PDPR: variants seen among roughly 807,000 people sequenced by gnomAD.
PDPR encodes pyruvate dehydrogenase phosphatase regulatory subunit, mitochondrial.
PDPR carries 50 observed loss-of-function variants against 102.2 expected under a neutral mutation model. That is an observed-to-expected ratio of 0.49 (90% CI 0.39 to 0.62). The LOEUF (loss-of-function observed/expected upper bound fraction) is 0.62, where lower values mean the gene tolerates loss of function less well. PDPR is among the 20% of genes least tolerant of loss of function. The pLI is 0.00. For missense variants in PDPR, 625 were observed against 1,098.2 expected, an observed-to-expected ratio of 0.57 and a Z score of 6.09; for synonymous variants, 259 against 406.0, an observed-to-expected ratio of 0.64 and a Z score of 4.35.
At chr16:70,114,235 G>C (rs1962395116), upstream of PDPR, 1 of 152,234 alleles carries the variant, frequency 6.6e-6, no homozygotes, top group African/African-American at 2.4e-5. Flanking sequence ...CTGAGGTCAC[G>C]CGCCGGCAGT....
intron 17 of PDPR, among the ~76,000 whole-genome samples, chr16:70,149,664 A>T (rs1432397303): frequency 1.3e-5 from 2 of 152,282 alleles, no homozygotes; most frequent in Non-Finnish European, 2.9e-5. Context: ...GTGGCGTAGC[A>T]TTCCATTGTG....
At chr16:70,155,615 C>T (rs1390875869) in intron 18 of PDPR, among the ~76,000 whole-genome samples, 5 of 152,340 alleles carry the variant, frequency 3.3e-5, no homozygotes, top group East Asian at 1.9e-4. Context: ...GTCTCGAACT[C>T]CTGACCTCAG....
At position 70,156,891 on chromosome 16, in the gene PDPR, C is replaced by T. The variant is rs371532098; in HGVS notation, c.*12C>T. ...TACATGGGAAGTGATGCCACCAGGGCAGCCTCACCTCCTCCCCATCATCTT... is the reference window on the plus strand; with the variant it reads ...TACATGGGAAGTGATGCCACCAGGGTAGCCTCACCTCCTCCCCATCATCTT... On this transcript the variant is annotated 3_prime_UTR_variant, in exon 19 of 19. Transcript: ENST00000288050. 85 of 1,610,962 alleles carry T rather than the reference C, an allele frequency of 5.3e-5. No homozygotes were observed. The highest frequency in any genetic ancestry group is 7.0e-5 in the Non-Finnish European group (82 of 1,178,464).
chr16:70,118,455 A>G (rs1394514799), intron 2 of PDPR, among the ~76,000 whole-genome samples: 1 of 152,282 alleles, frequency 6.6e-6, no homozygotes, highest in Admixed American at 6.5e-5. Flanking sequence ...GCCACCAAGG[A>G]GCAGGACAGT....
Position 70,153,429 on chromosome 16 carries a change from C to T in PDPR, c.2091C>T (p.Gly697=), listed in dbSNP as rs1352124538. 1 of 1,613,864 alleles carries T rather than the reference C, an allele frequency of 6.2e-7. No individual in the cohort carries two copies. Among genetic ancestry groups the T allele is most frequent in the South Asian group, 1.1e-5 (1 of 91,020 alleles). The change falls in exon 18 of 19, where the codon GGC becomes GGT. Residue 697 remains glycine (G), a synonymous_variant. Transcript: ENST00000288050. ...LHVYNEVMSV[G]QKYGIRNAGY... ...TATACAATGAAGTGATGAGTGTTGGCCAGAAATACGGAATCCGGAATGCTG... is the reference window on the plus strand; with the variant it reads ...TATACAATGAAGTGATGAGTGTTGGTCAGAAATACGGAATCCGGAATGCTG...
At position 70,128,764 on chromosome 16, in the gene PDPR, T is replaced by C. The variant is rs1470889687; in HGVS notation, c.362-20T>C. ...TACATTTGGTCTGATCTGTCTCATT[T>C]GGGCTCATTTTTCTTACAGGTTACA... On this transcript the variant is annotated intron_variant, in intron 4 of 18. Transcript: ENST00000288050. 6.2e-7 allele frequency: 1 copy of C among 1,613,534 alleles called. No individual in the cohort carries two copies. The highest frequency in any genetic ancestry group is 8.5e-7 in the Non-Finnish European group (1 of 1,179,648).
intron 3 of PDPR, among the ~76,000 whole-genome samples, chr16:70,122,451 G>C (rs1469079004): frequency 6.6e-6 from 1 of 152,284 alleles, no homozygotes; most frequent in Non-Finnish European, 1.5e-5. Flanking sequence ...TTGGCAGTAA[G>C]ACCACAGAAA....
intron 9 of PDPR, among the ~76,000 whole-genome samples, chr16:70,133,474 G>A (rs1049992148): frequency 1.5e-5 from 2 of 134,966 alleles, no homozygotes; most frequent in Admixed American, 1.7e-4. Flanking sequence ...CTGGAGTGCA[G>A]TGGCACAATC....
downstream of PDPR, among the ~76,000 whole-genome samples, chr16:70,163,005 C>A (rs1454532620): frequency 6.6e-6 from 1 of 152,248 alleles, no homozygotes; most frequent in African/African-American, 2.4e-5. Context: ...GGCTGGAGTA[C>A]AGTGGTGTGA....
intron 17 of PDPR, among the ~76,000 whole-genome samples, chr16:70,152,994 T>C (rs1184486888): frequency 2.6e-5 from 4 of 152,262 alleles, no homozygotes; most frequent in Non-Finnish European, 5.9e-5. Context: ...GTTGGGAAAT[T>C]GGAGCAAAAG....
chr16:70,150,741 G>A (rs1489503449), intron 17 of PDPR, among the ~76,000 whole-genome samples: 6 of 152,178 alleles, frequency 3.9e-5, no homozygotes, highest in Non-Finnish European at 8.8e-5. Flanking sequence ...CAGACTCCTG[G>A]ACTCTAGTGA....
At chr16:70,116,492 A>G (rs565302745) in intron 2 of PDPR, among the ~76,000 whole-genome samples, 61 of 148,692 alleles carry the variant, frequency 4.1e-4, no homozygotes, top group Non-Finnish European at 2.8e-4. Flanking sequence ...CGATCCTCCT[A>G]CCTCAGGAGT....
At chr16:70,128,202 C>T (rs1321151588) in intron 4 of PDPR, among the ~76,000 whole-genome samples, 4 of 151,516 alleles carry the variant, frequency 2.6e-5, no homozygotes, top group Non-Finnish European at 5.9e-5. Flanking sequence ...TAGGGATGGT[C>T]GAATCCCTGC....
intron 11 of PDPR, among the ~76,000 whole-genome samples, chr16:70,140,282 AG>A (rs1236344158): frequency 1.3e-5 from 2 of 152,384 alleles, no homozygotes; most frequent in African/African-American, 4.8e-5. Context: ...TTGAGGCTGC[AG>A]TGAGCCATGA....
chr16:70,116,541 CA>C (rs937202031), intron 2 of PDPR, among the ~76,000 whole-genome samples: 2,227 of 97,282 alleles, frequency 0.023, 59 homozygotes, highest in African/African-American at 0.074. Context: ...CCCCTCTCTA[CA>C]AAAAAAAAAA....
Position 70,161,035 on chromosome 16 carries a change from G to A in PDPR, c.*4156G>A, listed in dbSNP as rs1298790136. 2.0e-5 allele frequency: 3 copies of A among 152,680 alleles called. No individual in the cohort carries two copies. Among genetic ancestry groups the A allele is most frequent in the Non-Finnish European group, 2.9e-5 (2 of 68,312 alleles). 9.5% of individuals were successfully genotyped at this position (152,680 alleles called of 1,614,324 possible). Reference sequence around the variant, plus strand: ...GGAATTTGCGTTGGCTTGCTTTCAGGGGTTAGCTACAAGATTCAGCTTTAT... The same window carrying A: ...GGAATTTGCGTTGGCTTGCTTTCAGAGGTTAGCTACAAGATTCAGCTTTAT... On this transcript the variant is annotated 3_prime_UTR_variant, in exon 19 of 19. Transcript: ENST00000288050.
rs746577603 is a variant in PDPR, at chr16:70,120,557, G to GCAC, written c.65_66insCAC (p.Trp22delinsCysThr). The GCAC allele has an allele frequency of 6.2e-7, 1 of 1,614,028 alleles. No homozygotes were observed. Reference sequence around the variant, plus strand: ...AGAGCCAGCCCAGGATGGCAGAACTGGTCCTCTGCAAGAAACAGCACGTCA... The same window carrying GCAC: ...AGAGCCAGCCCAGGATGGCAGAACTGCACGTCCTCTGCAAGAAACAGCACGTCA... On this transcript the variant is annotated protein_altering_variant, in exon 3 of 19. Transcript: ENST00000288050.
chr16:70,145,273 G>A (rs1353465490), intron 15 of PDPR, among the ~76,000 whole-genome samples: 1 of 152,164 alleles, frequency 6.6e-6, no homozygotes, highest in Non-Finnish European at 1.5e-5. Flanking sequence ...AAGTAGCTGG[G>A]ATTATAGGCG....
intron 3 of PDPR, among the ~76,000 whole-genome samples, chr16:70,126,575 A>G (rs1355540207): frequency 9.2e-5 from 14 of 152,234 alleles, no homozygotes; most frequent in Admixed American, 5.2e-4. Context: ...GTGTTAGCCA[A>G]GATGGTTTCG....
Sources: allele counts gnomAD v4.1 joint callset (sites outside exome capture counted in the v4.1 genomes callset), GRCh38; gene constraint gnomAD v4.1.1; transcripts MANE v1.5; gene names NCBI Gene and HGNC (gene_info 2026-07-23, HGNC 2026-07-21).